PIP5K1C: variants seen among roughly 807,000 people sequenced by gnomAD.
The protein encoded by PIP5K1C is phosphatidylinositol 4-phosphate 5-kinase type-1 gamma.
PIP5K1C carries 45 observed loss-of-function variants against 80.1 expected under a neutral mutation model. The ratio of observed to expected loss-of-function variants is 0.56; its 90% CI spans 0.44 to 0.72. PIP5K1C has a LOEUF of 0.72. Among genes scored for constraint, PIP5K1C ranks in the 30% least tolerant of loss-of-function variants. PIP5K1C has a pLI of 0.00. For missense variants in PIP5K1C, 753 were observed against 954.6 expected (o/e 0.79, Z 2.78); for synonymous variants, 498 against 420.1 (o/e 1.19, Z -2.27).
chr19:3,684,111 G>A (rs1196896280), intron 1 of PIP5K1C, among the ~76,000 whole-genome samples: 1 of 152,180 alleles, frequency 6.6e-6, no homozygotes, highest in Non-Finnish European at 1.5e-5. Flanking sequence ...TGGCTGGGAA[G>A]TGGCCTCTGT....
intron 15 of PIP5K1C, among the ~76,000 whole-genome samples, chr19:3,640,847 C>T (rs1001072151): frequency 8.6e-5 from 13 of 151,892 alleles, no homozygotes; most frequent in African/African-American, 2.7e-4. Flanking sequence ...CCACCACGCC[C>T]GGCTAATTTT....
At chr19:3,670,420 G>A (rs2035169200) in intron 1 of PIP5K1C, among the ~76,000 whole-genome samples, 1 of 152,150 alleles carries the variant, frequency 6.6e-6, no homozygotes, top group South Asian at 2.1e-4. Context: ...GGCGGGGAGG[G>A]CACCACTCCT....
intron 17 of PIP5K1C, 23 bp downstream of exon 17, chr19:3,633,414 G>C (rs751639356): frequency 4.2e-6 from 6 of 1,432,550 alleles, no homozygotes; most frequent in Non-Finnish European, 5.5e-6. Flanking sequence ...CGGGACCGGC[G>C]GGTGCACCTG....
At chr19:3,662,886 G>C (rs2034884407) in intron 3 of PIP5K1C, among the ~76,000 whole-genome samples, 2 of 151,958 alleles carry the variant, frequency 1.3e-5, no homozygotes, top group Admixed American at 1.3e-4. Context: ...TTTTGAGACA[G>C]AGTCTTGCTC....
At chr19:3,646,261 C>T (rs368574200) in intron 10 of PIP5K1C, among the ~76,000 whole-genome samples, 2 of 152,134 alleles carry the variant, frequency 1.3e-5, no homozygotes, top group African/African-American at 4.8e-5. Context: ...GACTGGGTGC[C>T]AGGGAATGGG....
At chr19:3,679,803 C>T (rs1397873079) in intron 1 of PIP5K1C, among the ~76,000 whole-genome samples, 5 of 152,214 alleles carry the variant, frequency 3.3e-5, no homozygotes, top group Non-Finnish European at 7.3e-5. Flanking sequence ...GCCCAAGGGG[C>T]GCCCTGGATG....
chr19:3,646,212 C>T lies in PIP5K1C; in HGVS notation c.1261-154G>A, dbSNP rs547355898. ...TGGCGCCATGGCTTCCTGGGAGGGGCTCACGGAACAGGGAACAGTGGCTCC... is the reference window on the plus strand; with the variant it reads ...TGGCGCCATGGCTTCCTGGGAGGGGTTCACGGAACAGGGAACAGTGGCTCC... On this transcript the variant is annotated intron_variant, in intron 10 of 17. Transcript: ENST00000335312. Among the ~76,000 whole-genome samples, 39 of 152,202 alleles carry T rather than the reference C, an allele frequency of 2.6e-4. 1 individual carries two copies. The South Asian group carries it at 6.6e-3, about 26-fold the overall frequency.
chr19:3,679,334 G>C (rs1438216521), intron 1 of PIP5K1C, among the ~76,000 whole-genome samples: 2 of 152,164 alleles, frequency 1.3e-5, no homozygotes, highest in Non-Finnish European at 2.9e-5. Flanking sequence ...CTGCCTCAGG[G>C]GCCTTGCGCG....
intron 12 of PIP5K1C, 143 bp downstream of exon 12, chr19:3,643,944 C>T (rs1265981465): frequency 2.0e-6 from 2 of 996,148 alleles, no homozygotes; most frequent in Admixed American, 4.5e-5. Flanking sequence ...CCAGCAGCCC[C>T]CACTCCCTGG....
At chr19:3,653,781 G>C (rs1435234686) in intron 6 of PIP5K1C, among the ~76,000 whole-genome samples, 192 bp from the exon 7 acceptor site, 1 of 152,134 alleles carries the variant, frequency 6.6e-6, no homozygotes, top group East Asian at 1.9e-4. Flanking sequence ...GACTCTCATG[G>C]GCCACAACTG....
chr19:3,676,243 G>A (rs1013960993), intron 1 of PIP5K1C, among the ~76,000 whole-genome samples: 4 of 152,292 alleles, frequency 2.6e-5, no homozygotes, highest in Middle Eastern at 3.4e-3. Flanking sequence ...GGTCCCCACC[G>A]GGAAGTGATG....
In PIP5K1C at chr19:3,662,031, C is replaced by T. The variant is rs183576971; in HGVS notation, c.220-30G>A. 1.1e-3 allele frequency: 1,784 copies of T among 1,559,936 alleles called. 3 individuals are homozygous for T. Among genetic ancestry groups the T allele is most frequent in the Non-Finnish European group, 9.4e-4 (1,092 of 1,156,512 alleles). ...AGGGAGACCAGAGTGTCAGGGCCCC[C>T]GGCTGCTCCCCACGCTGCCCTGCAC... On this transcript the variant is annotated intron_variant, in intron 3 of 17. Coordinates refer to ENST00000335312, the MANE Select transcript of PIP5K1C (RefSeq NM_012398.3).
intron 1 of PIP5K1C, 104 bp downstream of exon 1, chr19:3,700,193 C>T (rs951670013): frequency 3.3e-6 from 2 of 601,156 alleles, no homozygotes; most frequent in East Asian, 8.5e-5. Flanking sequence ...ACCGGCGGCG[C>T]CCCCGCAGCG....
chr19:3,652,103 T>C lies in PIP5K1C; in HGVS notation c.922-72A>G, dbSNP rs2034473961. The C allele has an allele frequency of 6.7e-6, 10 of 1,483,170 alleles. No homozygotes were observed. The Middle Eastern group carries it at 6.9e-4, about 102-fold the overall frequency. The allele number at this position is 1,483,170 out of a possible 1,614,324, so 91.9% of individuals were successfully genotyped here. On this transcript the variant is annotated intron_variant, in intron 7 of 17. Coordinates refer to ENST00000335312, the MANE Select transcript of PIP5K1C (RefSeq NM_012398.3). ...CCCCCACAACGGCTCCCGGACCCTA[T>C]GGGGTTCCCAGCACGGATGGCCCCG...
intron 1 of PIP5K1C, among the ~76,000 whole-genome samples, chr19:3,674,949 C>T (rs1217014431): frequency 1.3e-5 from 2 of 152,132 alleles, no homozygotes; most frequent in South Asian, 2.1e-4. Context: ...GGCCACAGCA[C>T]GGATGCACCT....
At chr19:3,687,310 C>G (rs144652130) in intron 1 of PIP5K1C, among the ~76,000 whole-genome samples, 1 of 150,526 alleles carries the variant, frequency 6.6e-6, no homozygotes, top group Admixed American at 6.6e-5. Flanking sequence ...TGCAGTGAGC[C>G]GAGACTGCGC....
intron 16 of PIP5K1C, chr19:3,636,770 G>A (rs1032960233): frequency 2.5e-5 from 25 of 986,426 alleles, no homozygotes; most frequent in South Asian, 4.7e-5. Flanking sequence ...CGGCCTCGGC[G>A]GAGGCTTTGT....
At position 3,633,488 on chromosome 19, in the gene PIP5K1C, CG is replaced by C; in HGVS notation, c.1952del (p.Pro651ArgfsTer234). The C allele has an allele frequency of 1.3e-6, 2 of 1,507,168 alleles. No homozygotes were observed. Among genetic ancestry groups the C allele is most frequent in the South Asian group, 1.3e-5 (1 of 74,102 alleles). The allele number at this position is 1,507,168 out of a possible 1,614,324, so 93.4% of individuals were successfully genotyped here. ...PTDERSWVYS[P>X]LHYSAQAPPA... Reference sequence around the variant, plus strand: ...GGGGGGCCTGGGCGCTATAGTGGAGCGGGGAGTACACCCAGCTCCTCTCATC... The same window carrying C: ...GGGGGGCCTGGGCGCTATAGTGGAGCGGGAGTACACCCAGCTCCTCTCATC... On this transcript the variant is annotated frameshift_variant, in exon 17 of 18. Transcript: ENST00000335312. LOFTEE classifies it high-confidence loss of function.
chr19:3,633,607 G>A (rs1386725010), intron 16 of PIP5K1C, 87 bp from the exon 17 acceptor site: 2 of 921,660 alleles, frequency 2.2e-6, no homozygotes, highest in African/African-American at 1.7e-5. Flanking sequence ...GGAAGAGACA[G>A]GAGAACATAA....
Sources: allele counts gnomAD v4.1 joint callset (sites outside exome capture counted in the v4.1 genomes callset), GRCh38; gene constraint gnomAD v4.1.1; transcripts MANE v1.5; gene names NCBI Gene and HGNC (gene_info 2026-07-23, HGNC 2026-07-21).